The following ADAMTS17 variants were observed in gnomAD, a reference collection of about 807,000 sequenced individuals.
The protein encoded by ADAMTS17 is ADAM metallopeptidase with thrombospondin type 1 motif 17.
In ADAMTS17, 113 loss-of-function variants were observed where a neutral mutation model predicts 141.5. The ratio of observed to expected loss-of-function variants is 0.80; its 90% confidence interval spans 0.69 to 0.93. ADAMTS17 has a LOEUF of 0.93. Among genes scored for constraint, ADAMTS17 ranks in the 40% least tolerant of loss-of-function variants. ADAMTS17 has a pLI of 0.00. For missense variants in ADAMTS17, 1,659 were observed against 1,517.9 expected, an observed-to-expected ratio of 1.09 and a Z score of -1.54; for synonymous variants, 768 against 630.6, an observed-to-expected ratio of 1.22 and a Z score of -3.27.
At chr15:100,283,815 C>A (rs1354187189) in intron 3 of ADAMTS17, among the ~76,000 whole-genome samples, 2 of 152,164 alleles carry the variant, frequency 1.3e-5, no homozygotes, top group African/African-American at 2.4e-5. Context: ...ATTTCAAAAT[C>A]CTGCACTGCA....
At chr15:100,290,969 A>G (rs1257876542) in intron 3 of ADAMTS17, among the ~76,000 whole-genome samples, 3 of 152,248 alleles carry the variant, frequency 2.0e-5, no homozygotes, top group Non-Finnish European at 4.4e-5. Context: ...AAAGATGCCA[A>G]AAGCAATTGC....
chr15:100,302,613 T>G (rs2045080055), intron 3 of ADAMTS17, among the ~76,000 whole-genome samples: 2 of 152,230 alleles, frequency 1.3e-5, no homozygotes. Context: ...TACCTCATTG[T>G]AATTTTGATT....
chr15:100,006,954 G>C (rs922534101), intron 18 of ADAMTS17, among the ~76,000 whole-genome samples: 1 of 152,188 alleles, frequency 6.6e-6, no homozygotes, highest in South Asian at 2.1e-4. Flanking sequence ...CGGTCAACCC[G>C]CTCAGTCTCA....
At chr15:100,236,787 AT>A (rs1345182959) in intron 7 of ADAMTS17, among the ~76,000 whole-genome samples, 2 of 152,102 alleles carry the variant, frequency 1.3e-5, no homozygotes, top group Non-Finnish European at 2.9e-5. Context: ...GCAGTGAGCT[AT>A]GACTGCACCA....
At chr15:100,187,183 C>A (rs10152619) in intron 8 of ADAMTS17, among the ~76,000 whole-genome samples, 1,940 of 152,202 alleles carry the variant, frequency 0.013, 44 homozygotes, top group African/African-American at 0.044. Flanking sequence ...GCCATTGAGA[C>A]GGAGATAAGC....
chr15:100,307,111 C>T (rs577351407), intron 3 of ADAMTS17, among the ~76,000 whole-genome samples: 9 of 152,288 alleles, frequency 5.9e-5, no homozygotes, highest in African/African-American at 2.2e-4. Flanking sequence ...AGAGTTTTGC[C>T]CCATCCTGCA....
At chr15:100,163,177 T>G (rs2039809221) in intron 8 of ADAMTS17, among the ~76,000 whole-genome samples, 1 of 151,942 alleles carries the variant, frequency 6.6e-6, no homozygotes, top group Non-Finnish European at 1.5e-5. Flanking sequence ...CTCCATACAT[T>G]TACAAGATTC....
intron 4 of ADAMTS17, among the ~76,000 whole-genome samples, chr15:100,263,652 C>T (rs2043607542): frequency 6.6e-6 from 1 of 152,146 alleles, no homozygotes; most frequent in South Asian, 2.1e-4. Flanking sequence ...AGTTCCTTTG[C>T]CATAACGCAG....
At chr15:100,140,149 C>T (rs905838352) in intron 10 of ADAMTS17, among the ~76,000 whole-genome samples, 12 of 152,164 alleles carry the variant, frequency 7.9e-5, no homozygotes, top group African/African-American at 2.9e-4. Context: ...GCATGCGCCA[C>T]CATGCCTGGC....
Position 100,220,011 on chromosome 15 carries a change from G to A in ADAMTS17, c.1076-20588C>T, listed in dbSNP as rs567939073. 1.2e-4 allele frequency among the ~76,000 whole-genome samples: 18 copies of A among 152,138 alleles called. No individual in the cohort carries two copies. In the South Asian group the frequency reaches 1.9e-3, roughly 16 times the overall value. Reference sequence around the variant, plus strand: ...TTTATTATTCCCATTTTGCAGAGAAGGAAAATGAGACCTCACATCCTAGGC... The same window carrying A: ...TTTATTATTCCCATTTTGCAGAGAAAGAAAATGAGACCTCACATCCTAGGC... On this transcript the variant is annotated intron_variant, in intron 7 of 21. Transcript: ENST00000268070.
intron 4 of ADAMTS17, among the ~76,000 whole-genome samples, chr15:100,275,270 T>G (rs1009738391): frequency 6.6e-6 from 1 of 152,164 alleles, no homozygotes; most frequent in South Asian, 2.1e-4. Context: ...AGATGGGTCC[T>G]GGCCACACAG....
rs115153022 is a variant in ADAMTS17, at chr15:100,181,591, G to A, written c.1181+17727C>T. ...GCAATGGGTTTCCTTCTGGCTAAGT[G>A]TGTGTCTAGAATTGTCATCTGGGAG... On this transcript the variant is annotated intron_variant, in intron 8 of 21. Transcript: ENST00000268070. Among the ~76,000 whole-genome samples the A allele has an allele frequency of 2.2e-3, 335 of 152,374 alleles. 3 individuals are homozygous for A. Among genetic ancestry groups the A allele is most frequent in the African/African-American group, 7.1e-3 (294 of 41,586 alleles).
chr15:99,974,600 TGGCCTA>T (rs778731632), intron 21 of ADAMTS17, 38 bp from the exon 22 acceptor site: 1 of 1,613,594 alleles, frequency 6.2e-7, no homozygotes, highest in Non-Finnish European at 8.5e-7. Flanking sequence ...GGGTCAGGGA[TGGCCTA>T]GGCATGTCCT....
intron 20 of ADAMTS17, among the ~76,000 whole-genome samples, chr15:99,981,594 C>T (rs902005128): frequency 1.3e-5 from 2 of 152,160 alleles, no homozygotes; most frequent in Admixed American, 1.3e-4. Flanking sequence ...AGGATGCTTC[C>T]ATGTGTTAGG....
At chr15:100,180,068 T>A (rs981921710) in intron 8 of ADAMTS17, among the ~76,000 whole-genome samples, 1 of 152,216 alleles carries the variant, frequency 6.6e-6, no homozygotes, top group East Asian at 1.9e-4. Context: ...TGGCTGCCTG[T>A]TCCTGTGGGG....
intron 2 of ADAMTS17, among the ~76,000 whole-genome samples, chr15:100,340,171 C>T (rs1262955799): frequency 3.3e-5 from 5 of 152,230 alleles, no homozygotes; most frequent in Non-Finnish European, 5.9e-5. Flanking sequence ...GTGCGGCTTT[C>T]GGGGCACGAT....
intron 7 of ADAMTS17, among the ~76,000 whole-genome samples, chr15:100,215,634 G>A (rs987398481): frequency 6.6e-6 from 1 of 152,098 alleles, no homozygotes; most frequent in South Asian, 2.1e-4. Context: ...CCTGGCCTAA[G>A]TGACTCAGTC....
intron 15 of ADAMTS17, among the ~76,000 whole-genome samples, chr15:100,089,560 T>C (rs2035319668): frequency 6.6e-6 from 1 of 151,610 alleles, no homozygotes; most frequent in Non-Finnish European, 1.5e-5. Context: ...CTATTCACAA[T>C]AGCAAAGACT....
chr15:99,999,738 G>T (rs2060881860), intron 18 of ADAMTS17, among the ~76,000 whole-genome samples: 1 of 152,190 alleles, frequency 6.6e-6, no homozygotes, highest in African/African-American at 2.4e-5. Flanking sequence ...AGAAGCAGCG[G>T]CAGGGAGACC....
Sources: allele counts gnomAD v4.1 joint callset (sites outside exome capture counted in the v4.1 genomes callset), GRCh38; gene constraint gnomAD v4.1.1; transcripts MANE v1.5; gene names NCBI Gene and HGNC (gene_info 2026-07-23, HGNC 2026-07-21).